KLRG1: variants seen among roughly 807,000 people sequenced by gnomAD.
KLRG1 encodes killer cell lectin-like receptor subfamily G member 1.
Under a neutral mutation model 21.8 loss-of-function variants are expected in KLRG1, and 16 were observed. The ratio of observed to expected loss-of-function variants is 0.73; its 90% CI spans 0.50 to 1.11. The LOEUF (loss-of-function observed/expected upper bound fraction) is 1.11, where lower values mean the gene tolerates loss of function less well. Ranked by LOEUF, KLRG1 falls within the 50% of genes most tolerant of loss-of-function variation. KLRG1 has a pLI of 0.00. For synonymous variants in KLRG1, 69 were observed against 75.9 expected, an observed-to-expected ratio of 0.91 and a Z score of 0.47; for missense variants, 173 against 218.3, an observed-to-expected ratio of 0.79 and a Z score of 1.31.
the KLRG1 span, among the ~76,000 whole-genome samples, chr12:9,031,750 G>T: frequency 3.3e-5 from 5 of 152,278 alleles, no homozygotes; most frequent in Non-Finnish European, 5.9e-5. Flanking sequence ...GAAATGCATT[G>T]GTTTCGCTCA....
the KLRG1 span, among the ~76,000 whole-genome samples, chr12:9,018,297 C>A: frequency 5.3e-5 from 8 of 151,796 alleles, no homozygotes; most frequent in East Asian, 1.2e-3. Context: ...CCAGAATAGC[C>A]AAAGCCATCC....
Position 9,009,886 on chromosome 12 carries a change from A to T in KLRG1, c.*349A>T. 6.6e-7 allele frequency: 1 copy of T among 1,506,896 alleles called. No individual in the cohort carries two copies. Among genetic ancestry groups the T allele is most frequent in the Non-Finnish European group, 8.8e-7 (1 of 1,133,722 alleles). The allele number at this position is 1,506,896 out of a possible 1,614,324, so 93.3% of individuals were successfully genotyped here. A position where few individuals can be genotyped will look rare whatever the true frequency, so the allele number is the denominator to read the frequency against. On this transcript the variant is annotated 3_prime_UTR_variant, in exon 5 of 5. Transcript: ENST00000356986. ...CTTTTTCATATGATATTCTGAGCTA[A>T]TCTGATAAAATCTATGCCAATATAT...
At chr12:8,960,140 T>C (rs1946358819) in intron 1 of KLRG1, among the ~76,000 whole-genome samples, 1 of 152,164 alleles carries the variant, frequency 6.6e-6, no homozygotes, top group Non-Finnish European at 1.5e-5. Context: ...GGGGAATAAG[T>C]TAGGCGAGCC....
chr12:9,156,669 G>A, the KLRG1 span, among the ~76,000 whole-genome samples: 2 of 152,164 alleles, frequency 1.3e-5, no homozygotes, highest in Non-Finnish European at 2.9e-5. Flanking sequence ...GCAGCATTAT[G>A]TCTATTATGT....
chr12:9,099,338 T>A, the KLRG1 span: 11 of 1,521,226 alleles, frequency 7.2e-6, no homozygotes, highest in Non-Finnish European at 9.8e-6. Context: ...AATAGTAACT[T>A]CTAGTTTTAC....
intron 1 of KLRG1, among the ~76,000 whole-genome samples, chr12:8,952,329 C>A (rs1946218803): frequency 6.6e-6 from 1 of 152,130 alleles, no homozygotes; most frequent in Non-Finnish European, 1.5e-5. Context: ...GTAGCTGGGA[C>A]CACAGGCGCA....
At chr12:9,130,204 A>G in the KLRG1 span, among the ~76,000 whole-genome samples, 1 of 152,182 alleles carries the variant, frequency 6.6e-6, no homozygotes, top group Non-Finnish European at 1.5e-5. Context: ...TCTTCTATTG[A>G]TGGACATTTG....
the KLRG1 span, chr12:9,208,278 C>T: frequency 1.2e-6 from 2 of 1,613,394 alleles, no homozygotes; most frequent in African/African-American, 1.3e-5. Context: ...GAGTTTGAGT[C>T]ACTGGCAGAA....
the KLRG1 span, among the ~76,000 whole-genome samples, chr12:9,139,423 A>T: frequency 6.6e-6 from 1 of 152,202 alleles, no homozygotes; most frequent in African/African-American, 2.4e-5. Context: ...AATATTCTGC[A>T]TATGTCTGTT....
the KLRG1 span, chr12:9,076,851 G>T: frequency 1.1e-4 from 183 of 1,613,970 alleles, 4 homozygotes; most frequent in South Asian, 1.9e-3. Flanking sequence ...CAGTGCTTTG[G>T]TATATACATG....
the KLRG1 span, chr12:9,070,472 G>A: frequency 7.6e-6 from 12 of 1,582,036 alleles, no homozygotes; most frequent in African/African-American, 6.7e-5. Context: ...GCAGTCTGGG[G>A]TTATGATAAA....
intron 1 of KLRG1, among the ~76,000 whole-genome samples, chr12:8,961,027 TTTCATTATTATTTC>T (rs1946372974): frequency 7.8e-6 from 1 of 128,624 alleles, no homozygotes; most frequent in East Asian, 2.3e-4. Flanking sequence ...GCAAGTTAGG[TTTCATTATTATTTC>T]CATTTTACAT....
At chr12:9,162,584 G>A in the KLRG1 span, 1 of 1,555,742 alleles carries the variant, frequency 6.4e-7, no homozygotes, top group South Asian at 1.1e-5. Flanking sequence ...TGATTATGAA[G>A]ATGGACTCTT....
At chr12:9,002,866 CG>C in intron 3 of KLRG1, among the ~76,000 whole-genome samples, 3 of 149,364 alleles carry the variant, frequency 2.0e-5, no homozygotes, top group Middle Eastern at 6.8e-3. Flanking sequence ...TGCACCAGAC[CG>C]ATTTGTACTT....
chr12:9,167,734 C>G, the KLRG1 span, among the ~76,000 whole-genome samples: 3 of 152,232 alleles, frequency 2.0e-5, no homozygotes, highest in African/African-American at 7.2e-5. Context: ...ATTTTAGAAG[C>G]TCTTTTTTTC....
rs1233206016 is a variant in KLRG1 at position 9,010,571 on chromosome 12, G to A, written c.*1034G>A. ...CATACATAAGGAGAGAAGGTACAGTGATGAAGGAGACCATAATTCTGTAGT... is the reference window on the plus strand; with the variant it reads ...CATACATAAGGAGAGAAGGTACAGTAATGAAGGAGACCATAATTCTGTAGT... On this transcript the variant is annotated 3_prime_UTR_variant, in exon 5 of 5. Transcript: ENST00000356986. 6.6e-6 allele frequency: 1 copy of A among 152,404 alleles called. No homozygotes were observed. The highest frequency in any genetic ancestry group is 1.5e-5 in the Non-Finnish European group (1 of 68,212). 9.4% of individuals were successfully genotyped at this position (152,404 alleles called of 1,614,324 possible).
chr12:8,968,251 A>G (rs1244491201), intron 1 of KLRG1, among the ~76,000 whole-genome samples: 2 of 146,522 alleles, frequency 1.4e-5, no homozygotes, highest in African/African-American at 5.0e-5. Context: ...CAAAAAAAAA[A>G]CCACACTGAA....
At chr12:9,162,973 C>T in the KLRG1 span, among the ~76,000 whole-genome samples, 1 of 152,220 alleles carries the variant, frequency 6.6e-6, no homozygotes, top group Middle Eastern at 3.4e-3. Flanking sequence ...TTGCTCGCCT[C>T]CATGTGTCTA....
At chr12:9,090,108 C>A in the KLRG1 span, 1 of 1,532,934 alleles carries the variant, frequency 6.5e-7, no homozygotes, top group East Asian at 2.3e-5. Flanking sequence ...GTTCAATGCT[C>A]TGTAAACTTT....
Sources: allele counts gnomAD v4.1 joint callset (sites outside exome capture counted in the v4.1 genomes callset), GRCh38; gene constraint gnomAD v4.1.1; transcripts MANE v1.5; gene names NCBI Gene and HGNC (gene_info 2026-07-23, HGNC 2026-07-21).